The following SLCO2A1 variants were observed in gnomAD, a reference collection of about 807,000 sequenced individuals.
SLCO2A1 encodes the protein solute carrier organic anion transporter family member 2A1, also known as matrin F/G 1.
SLCO2A1 carries 60 observed loss-of-function variants against 71.7 expected under a neutral mutation model. The observed-to-expected ratio is 0.84, with a 90% CI of 0.68 to 1.04. The LOEUF is 1.04. SLCO2A1 is among the 50% of genes least tolerant of loss of function. The pLI is 0.00. For synonymous variants in SLCO2A1, 308 were observed against 326.7 expected (o/e 0.94, Z 0.62); for missense variants, 745 against 813.4 (o/e 0.92, Z 1.02).
chr3:133,990,668 G>A (rs559893485), intron 1 of SLCO2A1, among the ~76,000 whole-genome samples: 11 of 152,240 alleles, frequency 7.2e-5, no homozygotes, highest in South Asian at 2.1e-4. Context: ...CTTCTCCATC[G>A]CACTGTCTGC....
intron 1 of SLCO2A1, among the ~76,000 whole-genome samples, chr3:133,993,292 T>C (rs75462991): frequency 0.022 from 3,332 of 152,210 alleles, 61 homozygotes; most frequent in Non-Finnish European, 0.033. Context: ...AAGGGAAATA[T>C]CCTGCTTCCG....
At chr3:133,995,361 T>G (rs548141788) in intron 1 of SLCO2A1, among the ~76,000 whole-genome samples, 22 of 152,260 alleles carry the variant, frequency 1.4e-4, no homozygotes, top group African/African-American at 5.3e-4. Flanking sequence ...CTCCTCCCCC[T>G]GTCACTGAGC....
At chr3:134,021,717 C>G (rs1403162670) in intron 1 of SLCO2A1, among the ~76,000 whole-genome samples, 1 of 150,434 alleles carries the variant, frequency 6.6e-6, no homozygotes, top group Admixed American at 6.6e-5. Flanking sequence ...GAGAGAGAGA[C>G]AAAGTCAAAG....
chr3:133,993,078 C>T (rs1934888587), intron 1 of SLCO2A1, among the ~76,000 whole-genome samples: 1 of 152,210 alleles, frequency 6.6e-6, no homozygotes, highest in African/African-American at 2.4e-5. Flanking sequence ...CCTCCAGATG[C>T]TGCCGTGGGG....
intron 1 of SLCO2A1, among the ~76,000 whole-genome samples, chr3:133,996,335 G>T (rs1576452196): frequency 6.6e-6 from 1 of 152,196 alleles, no homozygotes; most frequent in East Asian, 1.9e-4. Context: ...AAAGCTTCAA[G>T]AGTCTGTAAT....
rs1027958571 is a variant in SLCO2A1, at chr3:134,029,587, G to T, written c.96+120C>A. 4.5e-5 allele frequency: 31 copies of T among 689,648 alleles called. No individual in the cohort carries two copies. In the Admixed American group the frequency reaches 8.8e-4, roughly 20 times the overall value. 42.7% of individuals were successfully genotyped at this position (689,648 alleles called of 1,614,324 possible). On this transcript the variant is annotated intron_variant, in intron 1 of 13. Transcript: ENST00000310926. ...TCGCCCGGGGATGAGATCGGAGCGC[G>T]GCACAGGAGGGAGCCCGGGGCTCCC...
chr3:133,976,558 A>G (rs1016038087), intron 2 of SLCO2A1, among the ~76,000 whole-genome samples: 6 of 151,982 alleles, frequency 3.9e-5, no homozygotes, highest in African/African-American at 1.5e-4. Context: ...TCAGCCACAG[A>G]GTCCCTTTGA....
At chr3:133,938,391 G>C (rs748587500) in intron 12 of SLCO2A1, 38 bp downstream of exon 12, 3 of 1,590,362 alleles carry the variant, frequency 1.9e-6, no homozygotes, top group African/African-American at 2.7e-5. Context: ...CCCATCGCCT[G>C]GGGCCACTTC....
chr3:134,013,290 G>A (rs1213616006), intron 1 of SLCO2A1, among the ~76,000 whole-genome samples: 1 of 152,128 alleles, frequency 6.6e-6, no homozygotes, highest in African/African-American at 2.4e-5. Flanking sequence ...TTTTCAAAAG[G>A]GCCTGTGGCA....
intron 1 of SLCO2A1, among the ~76,000 whole-genome samples, chr3:134,001,360 G>C (rs565122073): frequency 6.6e-6 from 1 of 152,196 alleles, no homozygotes; most frequent in South Asian, 2.1e-4. Flanking sequence ...ATCCACCCCC[G>C]TCAGCCTCCC....
At chr3:134,017,318 A>G (rs1032504858) in intron 1 of SLCO2A1, among the ~76,000 whole-genome samples, 1 of 152,240 alleles carries the variant, frequency 6.6e-6, no homozygotes, top group Non-Finnish European at 1.5e-5. Flanking sequence ...TTGCTATAAA[A>G]TAAAAAGTTT....
chr3:133,947,218 T>G, intron 9 of SLCO2A1, 38 bp downstream of exon 9: 1 of 1,563,540 alleles, frequency 6.4e-7, no homozygotes, highest in East Asian at 2.2e-5. Context: ...AGCCCTGGCC[T>G]TATTAAAGGG....
chr3:133,966,468 C>A (rs907397304), intron 3 of SLCO2A1, among the ~76,000 whole-genome samples: 1 of 152,188 alleles, frequency 6.6e-6, no homozygotes, highest in Non-Finnish European at 1.5e-5. Flanking sequence ...CTGCTCACAC[C>A]TCTCCGCACT....
chr3:134,026,690 C>T (rs1293477493), intron 1 of SLCO2A1, among the ~76,000 whole-genome samples: 1 of 152,218 alleles, frequency 6.6e-6, no homozygotes, highest in South Asian at 2.1e-4. Flanking sequence ...CTTGACTATT[C>T]TGGCCCAGCA....
chr3:133,951,569 G>A (rs901903115), intron 5 of SLCO2A1, among the ~76,000 whole-genome samples: 5 of 152,148 alleles, frequency 3.3e-5, no homozygotes, highest in East Asian at 1.9e-4. Context: ...GAAAATCCCC[G>A]GGCAGGAGGG....
chr3:133,952,766 A>G (rs773685148), intron 5 of SLCO2A1, among the ~76,000 whole-genome samples: 2 of 152,186 alleles, frequency 1.3e-5, no homozygotes, highest in African/African-American at 2.4e-5. Flanking sequence ...ACTTTATTTT[A>G]CTATCATTAG....
At chr3:133,997,582 C>T (rs539022256) in intron 1 of SLCO2A1, among the ~76,000 whole-genome samples, 3 of 152,182 alleles carry the variant, frequency 2.0e-5, no homozygotes, top group South Asian at 4.1e-4. Flanking sequence ...CACAAGTTTC[C>T]AACAACTGCT....
chr3:134,006,730 A>G (rs534510819), intron 1 of SLCO2A1, among the ~76,000 whole-genome samples: 1 of 152,330 alleles, frequency 6.6e-6, no homozygotes, highest in South Asian at 2.1e-4. Context: ...CTATTGATGG[A>G]CATCTGGGTT....
chr3:134,012,715 G>A (rs990697731), intron 1 of SLCO2A1, among the ~76,000 whole-genome samples: 19 of 152,288 alleles, frequency 1.2e-4, no homozygotes, highest in Admixed American at 3.9e-4. Flanking sequence ...GAGCTCCACC[G>A]CTGTGCAGAA....
Sources: allele counts gnomAD v4.1 joint callset (sites outside exome capture counted in the v4.1 genomes callset), GRCh38; gene constraint gnomAD v4.1.1; transcripts MANE v1.5; gene names NCBI Gene and HGNC (gene_info 2026-07-23, HGNC 2026-07-21).